The following SYF2 variants were observed in gnomAD, a reference collection of about 807,000 sequenced individuals.
SYF2 encodes the protein SYF2 pre-mRNA splicing factor.
A neutral mutation model predicts 32.7 loss-of-function variants in SYF2; 21 were observed. That is an observed-to-expected ratio of 0.64 (90% confidence interval 0.45 to 0.92). The LOEUF is 0.92. SYF2 is among the 40% of genes least tolerant of loss of function. The probability of loss-of-function intolerance (pLI) is 0.00; values close to 1 mark genes in which losing one functional copy is unlikely to be tolerated. For missense variants in SYF2, 278 were observed against 296.5 expected (o/e 0.94, Z 0.46); for synonymous variants, 114 against 103.9 (o/e 1.10, Z -0.59).
At chr1:25,232,015 A>G in intron 2 of SYF2, 89 bp downstream of exon 2, 1 of 1,286,588 alleles carries the variant, frequency 7.8e-7, no homozygotes, top group South Asian at 1.3e-5. Flanking sequence ...GGTCTGTCAG[A>G]CGCAGTGGTG....
At chr1:25,223,504 G>T in intron 6 of SYF2, 73 bp from the exon 7 acceptor site, 1 of 1,454,052 alleles carries the variant, frequency 6.9e-7, no homozygotes, top group Non-Finnish European at 9.4e-7. Context: ...CAACCAAACA[G>T]GAATATAATC....
chr1:25,232,240 G>A, intron 1 of SYF2, 29 bp from the exon 2 acceptor site: 7 of 1,602,532 alleles, frequency 4.4e-6, no homozygotes, highest in Non-Finnish European at 6.0e-6. Flanking sequence ...GCTTCAGGCA[G>A]AGCCGGCTCA....
chr1:25,228,004 C>A (rs573325587), intron 4 of SYF2, 114 bp downstream of exon 4: 6 of 814,178 alleles, frequency 7.4e-6, no homozygotes, highest in African/African-American at 1.7e-5. Flanking sequence ...TGGTCTTAAG[C>A]CTCATCAAGA....
chr1:25,225,527 C>CA lies in SYF2; in HGVS notation c.468-428dup, dbSNP rs920883170. On this transcript the variant is annotated intron_variant, in intron 5 of 6. Coordinates refer to ENST00000236273, the MANE Select transcript of SYF2 (RefSeq NM_015484.5). ...TGGGCGACAAAGTAAGACTCCGTCT[C>CA]AAAAAAAAAAATTTTTTTTAATTAA... is the stretch of plus-strand genomic sequence containing the variant. Among the ~76,000 whole-genome samples the CA allele has an allele frequency of 5.4e-3, 781 of 145,784 alleles. 8 individuals are homozygous for CA. Among genetic ancestry groups the CA allele is most frequent in the African/African-American group, 0.018 (731 of 39,746 alleles).
intron 4 of SYF2, 110 bp downstream of exon 4, chr1:25,228,008 A>T: frequency 1.2e-6 from 1 of 857,966 alleles, no homozygotes; most frequent in South Asian, 1.7e-5. Context: ...CTTAAGCCTC[A>T]TCAAGAATAT....
chr1:25,232,447 G>T lies in SYF2; in HGVS notation c.21C>A (p.Ser7=). The T allele has an allele frequency of 6.2e-7, 1 of 1,614,142 alleles. No homozygotes were observed. Among genetic ancestry groups the T allele is most frequent in the Non-Finnish European group, 8.5e-7 (1 of 1,180,038 alleles). ...GTGTACGGTGGGTGGAACTCACCTC[G>T]GATGCAGCTATAGCCGCCATCACAA... The part of the protein sequence containing the change: MAAIAA[S]EVLVDSAEEG... Residue 7 remains serine (S), a synonymous_variant, in exon 1 of 7, where the codon TCC becomes TCA. Transcript: ENST00000236273.
At chr1:25,224,148 C>T (rs992259808) in intron 6 of SYF2, among the ~76,000 whole-genome samples, 3 of 151,728 alleles carry the variant, frequency 2.0e-5, no homozygotes, top group East Asian at 1.9e-4. Flanking sequence ...GAGCCAAGAT[C>T]GTGACACTGC....
intron 2 of SYF2, among the ~76,000 whole-genome samples, chr1:25,229,593 G>T (rs1638586706): frequency 6.6e-6 from 1 of 151,922 alleles, no homozygotes; most frequent in Non-Finnish European, 1.5e-5. Context: ...TGGCCAACAT[G>T]GTGAAACCCC....
intron 2 of SYF2, chr1:25,231,689 TCAAA>T (rs1638633237): frequency 5.7e-6 from 1 of 175,424 alleles, no homozygotes; most frequent in Non-Finnish European, 1.2e-5. Flanking sequence ...TTCTTTTCAC[TCAAA>T]CAGATTCTGA....
intron 6 of SYF2, among the ~76,000 whole-genome samples, chr1:25,223,995 A>G (rs919209199): frequency 7.2e-5 from 11 of 152,250 alleles, no homozygotes; most frequent in African/African-American, 2.6e-4. Flanking sequence ...GGAGTTTGAG[A>G]CCAGCCTGGT....
At chr1:25,227,931 G>A (rs1054595525) in intron 4 of SYF2, among the ~76,000 whole-genome samples, 187 bp downstream of exon 4, 49 of 152,068 alleles carry the variant, frequency 3.2e-4, no homozygotes, top group Admixed American at 3.2e-3. Context: ...TTAAAAACCT[G>A]GCTAACTGAA....
At chr1:25,232,331 C>T in intron 1 of SYF2, 113 bp downstream of exon 1, 2 of 1,596,458 alleles carry the variant, frequency 1.3e-6, no homozygotes, top group African/African-American at 1.3e-5. Flanking sequence ...GACTTGACCC[C>T]ACAGTGTCTG....
Position 25,228,177 on chromosome 1 carries a change from T to C in SYF2, c.317A>G (p.Glu106Gly), listed in dbSNP as rs1184506936. 6.2e-7 allele frequency: 1 copy of C among 1,613,888 alleles called. No homozygotes were observed. The highest frequency in any genetic ancestry group is 1.1e-5 in the South Asian group (1 of 91,086). Reference sequence around the variant, plus strand: ...TTTCCTCTCCCATCTTTCTGCATCTTCTGCACTGATCTCCAGCAACTTCAC... The same window carrying C: ...TTTCCTCTCCCATCTTTCTGCATCTCCTGCACTGATCTCCAGCAACTTCAC... ...EKVKLLEISA[E>G]DAERWERKKK... is the part of the protein sequence containing the mutation. The change falls in exon 4 of 7, where the codon GAA becomes GGA. Residue 106 changes from glutamate (E) to glycine (G), a missense_variant. Transcript: ENST00000236273.
At chr1:25,229,699 C>A (rs1638589001) in intron 2 of SYF2, among the ~76,000 whole-genome samples, 1 of 151,186 alleles carries the variant, frequency 6.6e-6, no homozygotes, top group South Asian at 2.1e-4. Flanking sequence ...CACTTGAACC[C>A]AGGAGGCAGA....
chr1:25,228,496 G>C (rs1310276048), intron 3 of SYF2, among the ~76,000 whole-genome samples: 1 of 151,826 alleles, frequency 6.6e-6, no homozygotes, highest in Admixed American at 6.6e-5. Flanking sequence ...CACCATGCCC[G>C]GCTAATTTTT....
Position 25,227,522 on chromosome 1 carries a change from A to G in SYF2, c.387T>C (p.Ala129=), listed in dbSNP as rs1247537537. The change falls in exon 5 of 7, where the codon GCT becomes GCC. Residue 129 remains alanine, a synonymous_variant. Coordinates refer to ENST00000236273, the MANE Select transcript of SYF2 (RefSeq NM_015484.5). ...NPDLGFSDYA[A]AQLRQYHRLT... is the part of the protein sequence containing the mutation. Reference sequence around the variant, plus strand: ...ACCGATGATACTGGCGTAACTGGGCAGCAGCATAATCTAAAAATATAAAAT... The same window carrying G: ...ACCGATGATACTGGCGTAACTGGGCGGCAGCATAATCTAAAAATATAAAAT... The G allele has an allele frequency of 2.7e-5, 43 of 1,613,244 alleles. No individual in the cohort carries two copies. The highest frequency in any genetic ancestry group is 3.5e-5 in the Non-Finnish European group (41 of 1,179,758).
At chr1:25,227,590 T>A in intron 4 of SYF2, 58 bp from the exon 5 acceptor site, 1 of 1,456,610 alleles carries the variant, frequency 6.9e-7, no homozygotes, top group Admixed American at 2.1e-5. Flanking sequence ...ACCTTCCTAT[T>A]GAGAGAAAAA....
At chr1:25,230,582 C>T (rs1159917571) in intron 2 of SYF2, 1 of 152,182 alleles carries the variant, frequency 6.6e-6, no homozygotes, top group African/African-American at 2.4e-5. Context: ...CTAGTATATT[C>T]TTGGCCCTGG....
chr1:25,229,948 C>G (rs190337201), intron 2 of SYF2, among the ~76,000 whole-genome samples: 134 of 152,200 alleles, frequency 8.8e-4, no homozygotes, highest in African/African-American at 3.1e-3. Flanking sequence ...TCCCGAGTAG[C>G]TGGGGTTACA....
Sources: allele counts gnomAD v4.1 joint callset (sites outside exome capture counted in the v4.1 genomes callset), GRCh38; gene constraint gnomAD v4.1.1; transcripts MANE v1.5; gene names NCBI Gene and HGNC (gene_info 2026-07-23, HGNC 2026-07-21).